The following MEIKIN variants were observed in gnomAD, a reference collection of about 807,000 sequenced individuals.
The protein encoded by MEIKIN is meiotic kinetochore factor.
At chr5:131,927,763 TA>T (rs1195136644) in intron 5 of MEIKIN, among the ~76,000 whole-genome samples, 1 of 152,208 alleles carries the variant, frequency 6.6e-6, no homozygotes, top group East Asian at 1.9e-4. Flanking sequence ...TTGTCTGACA[TA>T]AATATAGCCA....
intron 9 of MEIKIN, among the ~76,000 whole-genome samples, chr5:131,878,655 A>G (rs1435480844): frequency 1.3e-5 from 2 of 152,078 alleles, no homozygotes; most frequent in Non-Finnish European, 2.9e-5. Flanking sequence ...GGATCGCTTG[A>G]GGCCATGAGT....
At chr5:131,940,234 G>C (rs1156471017) in intron 4 of MEIKIN, among the ~76,000 whole-genome samples, 1 of 152,092 alleles carries the variant, frequency 6.6e-6, no homozygotes, top group Non-Finnish European at 1.5e-5. Context: ...AAGTTAATAA[G>C]GCAAAGAAGG....
chr5:131,850,830 T>G (rs1750103278), intron 11 of MEIKIN, among the ~76,000 whole-genome samples: 1 of 151,830 alleles, frequency 6.6e-6, no homozygotes, highest in South Asian at 2.1e-4. Context: ...GTCCTAGCTA[T>G]TCGAGAGGCT....
chr5:131,922,593 A>G (rs1751523214), intron 5 of MEIKIN, among the ~76,000 whole-genome samples: 1 of 152,126 alleles, frequency 6.6e-6, no homozygotes, highest in South Asian at 2.1e-4. Flanking sequence ...ACCAACCCCC[A>G]TGGATACCAA....
At chr5:131,923,241 C>T (rs1751535702) in intron 5 of MEIKIN, among the ~76,000 whole-genome samples, 1 of 152,152 alleles carries the variant, frequency 6.6e-6, no homozygotes, top group Admixed American at 6.5e-5. Flanking sequence ...TGCATAAATC[C>T]ATTCCATTTA....
intron 9 of MEIKIN, among the ~76,000 whole-genome samples, chr5:131,873,247 G>C (rs1561740099): frequency 2.0e-5 from 3 of 152,112 alleles, no homozygotes; most frequent in Non-Finnish European, 2.9e-5. Context: ...CTGTATTCAG[G>C]AAACCCATCT....
chr5:131,895,533 T>A (rs1230795718), intron 8 of MEIKIN, among the ~76,000 whole-genome samples: 2 of 152,196 alleles, frequency 1.3e-5, no homozygotes, highest in African/African-American at 4.8e-5. Flanking sequence ...TTTTTTTGGT[T>A]GGCAGGATAT....
chr5:131,818,156 G>T (rs1004593459), intron 12 of MEIKIN, among the ~76,000 whole-genome samples: 1 of 152,128 alleles, frequency 6.6e-6, no homozygotes, highest in Non-Finnish European at 1.5e-5. Flanking sequence ...AAGTCGTAAT[G>T]AAATATAAGG....
At chr5:131,851,026 C>G (rs1419080526) in intron 11 of MEIKIN, among the ~76,000 whole-genome samples, 1 of 151,960 alleles carries the variant, frequency 6.6e-6, no homozygotes, top group African/African-American at 2.4e-5. Context: ...CACAGGACAC[C>G]AAAGGAATGA....
chr5:131,851,617 AT>A (rs1044115122), intron 10 of MEIKIN, among the ~76,000 whole-genome samples: 8 of 152,222 alleles, frequency 5.3e-5, no homozygotes, highest in Non-Finnish European at 1.0e-4. Context: ...ACATTCTTTC[AT>A]TTTAAAGTAA....
chr5:131,851,759 G>C (rs901976686), intron 10 of MEIKIN, among the ~76,000 whole-genome samples: 4 of 152,098 alleles, frequency 2.6e-5, no homozygotes, highest in African/African-American at 4.8e-5. Context: ...ACACATTTCT[G>C]TACCAAATTA....
chr5:131,848,908 T>TA (rs898631118), intron 11 of MEIKIN, among the ~76,000 whole-genome samples: 8 of 151,966 alleles, frequency 5.3e-5, no homozygotes, highest in East Asian at 3.9e-4. Context: ...TGGCGAGACT[T>TA]AAAAAAAATC....
intron 8 of MEIKIN, among the ~76,000 whole-genome samples, chr5:131,902,778 C>T (rs1468134829): frequency 6.6e-6 from 1 of 152,074 alleles, no homozygotes; most frequent in Admixed American, 6.5e-5. Context: ...CACTAGTTCC[C>T]CAGCAATGAT....
chr5:131,843,848 G>C (rs1164620425), intron 11 of MEIKIN, among the ~76,000 whole-genome samples: 1 of 152,032 alleles, frequency 6.6e-6, no homozygotes, highest in Non-Finnish European at 1.5e-5. Context: ...ATATTTTCAG[G>C]TACCTTTATA....
intron 11 of MEIKIN, among the ~76,000 whole-genome samples, chr5:131,826,698 T>A (rs1024233025): frequency 4.6e-5 from 7 of 152,120 alleles, no homozygotes; most frequent in Non-Finnish European, 1.0e-4. Flanking sequence ...AGTGAGTGAG[T>A]TCTCATGAGA....
chr5:131,860,641 G>A (rs1233364812), intron 9 of MEIKIN, among the ~76,000 whole-genome samples: 2 of 149,928 alleles, frequency 1.3e-5, no homozygotes, highest in East Asian at 3.9e-4. Context: ...TAGAGACGGG[G>A]TTTCACTATC....
chr5:131,865,556 T>TTA (rs1338977948), intron 9 of MEIKIN, among the ~76,000 whole-genome samples: 1 of 152,236 alleles, frequency 6.6e-6, no homozygotes, highest in Non-Finnish European at 1.5e-5. Flanking sequence ...TGCTGGAGAA[T>TTA]TATTGTGTAC....
chr5:131,915,664 T>A (rs889887046), intron 7 of MEIKIN, among the ~76,000 whole-genome samples: 8 of 152,040 alleles, frequency 5.3e-5, no homozygotes, highest in African/African-American at 1.4e-4. Context: ...GGGGAGAAAA[T>A]CCGAGATTCA....
chr5:131,837,282 G>T (rs1336971968), intron 11 of MEIKIN, among the ~76,000 whole-genome samples: 1 of 152,154 alleles, frequency 6.6e-6, no homozygotes, highest in East Asian at 1.9e-4. Context: ...ATAGTTTGAA[G>T]TAAGGTAGTG....
Sources: allele counts gnomAD v4.1 joint callset (sites outside exome capture counted in the v4.1 genomes callset), GRCh38; gene constraint gnomAD v4.1.1; transcripts MANE v1.5; gene names NCBI Gene and HGNC (gene_info 2026-07-23, HGNC 2026-07-21).